The following AR variants were observed in gnomAD, a reference collection of about 807,000 sequenced individuals.
AR encodes androgen receptor.
In AR, 8 loss-of-function variants were observed where a neutral mutation model predicts 53.9. The observed-to-expected ratio is 0.15, with a 90% confidence interval of 0.09 to 0.27. AR has a LOEUF of 0.27. AR is among the 10% of genes least tolerant of loss of function. The pLI, the probability that AR is intolerant of heterozygous loss-of-function variation, is 1.00. For missense variants in AR, 639 were observed against 742.5 expected (o/e 0.86, Z 1.62); for synonymous variants, 359 against 316.4 (o/e 1.13, Z -1.43).
At chrX:67,684,879 T>C (rs1186833396) in intron 2 of AR, among the ~76,000 whole-genome samples, 2 of 111,454 alleles carry the variant, frequency 1.8e-5, no homozygotes, top group African/African-American at 3.3e-5. Flanking sequence ...TGTTTTTTTT[T>C]CTACTCTCAA....
chrX:67,623,134 G>T (rs1303702826), intron 1 of AR, among the ~76,000 whole-genome samples: 1 of 110,787 alleles, frequency 9.0e-6, no homozygotes, highest in Non-Finnish European at 1.9e-5. Flanking sequence ...TACTTAGAAG[G>T]CAAGACTTCC....
intron 2 of AR, among the ~76,000 whole-genome samples, chrX:67,658,497 T>A (rs780709984): frequency 3.6e-5 from 4 of 112,289 alleles, no homozygotes; most frequent in Non-Finnish European, 5.6e-5. Context: ...TTGCCCAGGC[T>A]GCAGTGTGCA....
intron 3 of AR, among the ~76,000 whole-genome samples, chrX:67,703,961 C>A (rs2076053962): frequency 9.0e-6 from 1 of 111,675 alleles, no homozygotes; most frequent in African/African-American, 3.3e-5. Flanking sequence ...CATGTCCCTA[C>A]AAAGGACATG....
At chrX:67,606,235 A>G (rs1012454948) in intron 1 of AR, among the ~76,000 whole-genome samples, 1 of 111,318 alleles carries the variant, frequency 9.0e-6, no homozygotes. Context: ...AATGGCACAT[A>G]CTTCACTGTT....
At chrX:67,549,814 G>C (rs1416244714) in intron 1 of AR, among the ~76,000 whole-genome samples, 1 of 111,955 alleles carries the variant, frequency 8.9e-6, no homozygotes, top group African/African-American at 3.3e-5. Flanking sequence ...GTAGTGCTTT[G>C]ATATTGACAA....
In AR at chrX:67,724,684, T is replaced by G. The variant is rs1308079486; in HGVS notation, c.*843T>G. 5.8e-6 allele frequency: 1 copy of G among 173,654 alleles called. No homozygotes were observed. Among genetic ancestry groups the G allele is most frequent in the South Asian group, 3.2e-4 (1 of 3,107 alleles). The allele number at this position is 173,654 out of a possible 1,213,427, so 14.3% of individuals were successfully genotyped here. ...TTCATTATACTGAAAATGTGCTTGT[T>G]GTTGAAAATTTGTCTGCATGTTAAT... On this transcript the variant is annotated 3_prime_UTR_variant, in exon 8 of 8. Coordinates refer to ENST00000374690, the MANE Select transcript of AR (RefSeq NM_000044.6).
chrX:67,587,427 G>A (rs1462860612), intron 1 of AR, among the ~76,000 whole-genome samples: 1 of 112,592 alleles, frequency 8.9e-6, no homozygotes. Context: ...GCTTTCCTTC[G>A]AAGTTGAGCT....
intron 2 of AR, among the ~76,000 whole-genome samples, chrX:67,651,059 C>T (rs765309199): frequency 5.5e-4 from 59 of 107,632 alleles, no homozygotes; most frequent in African/African-American, 1.9e-3. Context: ...TTTTTTGAGA[C>T]GGAGTCTTGC....
At chrX:67,686,605 G>A (rs1364769092) in intron 3 of AR, among the ~76,000 whole-genome samples, 1 of 111,608 alleles carries the variant, frequency 9.0e-6, no homozygotes, top group East Asian at 2.8e-4. Flanking sequence ...TGTAGGGCCA[G>A]CCACCTCGAA....
chrX:67,691,316 T>C (rs909781661), intron 3 of AR, among the ~76,000 whole-genome samples: 3 of 112,393 alleles, frequency 2.7e-5, no homozygotes, highest in Non-Finnish European at 5.6e-5. Flanking sequence ...GCCAGTTTCC[T>C]TGGTCTAGGC....
chrX:67,593,665 T>C (rs1047495810), intron 1 of AR, among the ~76,000 whole-genome samples: 8 of 112,439 alleles, frequency 7.1e-5, no homozygotes, highest in African/African-American at 2.6e-4. Context: ...TAAGTTTTCT[T>C]AAGTGCTTTC....
intron 2 of AR, among the ~76,000 whole-genome samples, chrX:67,676,371 A>G (rs2075899892): frequency 1.8e-5 from 2 of 112,066 alleles, no homozygotes; most frequent in Non-Finnish European, 3.8e-5. Flanking sequence ...GTTTATCACC[A>G]CAAAAAATAG....
chrX:67,664,293 C>T (rs1432749184), intron 2 of AR, among the ~76,000 whole-genome samples: 1 of 111,548 alleles, frequency 9.0e-6, no homozygotes, highest in South Asian at 3.8e-4. Context: ...TACAGATGAG[C>T]GTTTGGTGTG....
At chrX:67,563,232 AGAGTCAAAGT>A (rs1921411979) in intron 1 of AR, among the ~76,000 whole-genome samples, 1 of 111,691 alleles carries the variant, frequency 9.0e-6, no homozygotes, top group African/African-American at 3.3e-5. Context: ...AGCTGGGGTA[AGAGTCAAAGT>A]GTAGTATGTT....
chrX:67,703,772 T>A (rs1008243661), intron 3 of AR, among the ~76,000 whole-genome samples: 3 of 111,428 alleles, frequency 2.7e-5, no homozygotes, highest in African/African-American at 9.8e-5. Context: ...ATTAAGTATA[T>A]CTCCTAATGC....
chrX:67,643,169 C>T (rs2147435269), intron 1 of AR, 87 bp from the exon 2 acceptor site: 1 of 1,063,679 alleles, frequency 9.4e-7, no homozygotes, highest in Non-Finnish European at 1.3e-6. Context: ...TTTATGCCTG[C>T]AGGTTAATGC....
chrX:67,661,491 G>C (rs1287262613), intron 2 of AR, among the ~76,000 whole-genome samples: 1 of 111,559 alleles, frequency 9.0e-6, no homozygotes, highest in Admixed American at 9.5e-5. Flanking sequence ...TTTGTCGTTG[G>C]TTCTGTTTAT....
chrX:67,702,747 C>A (rs1424853473), intron 3 of AR, among the ~76,000 whole-genome samples: 1 of 112,233 alleles, frequency 8.9e-6, no homozygotes, highest in African/African-American at 3.2e-5. Context: ...GACACCATGA[C>A]TGGAGTTTGC....
intron 1 of AR, among the ~76,000 whole-genome samples, chrX:67,554,520 T>C (rs1214833336): frequency 8.9e-6 from 1 of 112,210 alleles, no homozygotes; most frequent in Non-Finnish European, 1.9e-5. Context: ...CTAAGGGTCA[T>C]AGCTAATCAG....
Sources: allele counts gnomAD v4.1 joint callset (sites outside exome capture counted in the v4.1 genomes callset), GRCh38; gene constraint gnomAD v4.1.1; transcripts MANE v1.5; gene names NCBI Gene and HGNC (gene_info 2026-07-23, HGNC 2026-07-21).